Variants in ZPBP observed in about 807,000 individuals in gnomAD.
ZPBP encodes the protein zona pellucida binding protein.
Under a neutral mutation model 44.8 loss-of-function variants are expected in ZPBP, and 26 were observed. The ratio of observed to expected loss-of-function variants is 0.58; its 90% CI spans 0.43 to 0.81. ZPBP has a LOEUF of 0.81. ZPBP is among the 30% of genes least tolerant of loss of function. The probability of loss-of-function intolerance (pLI) is 0.00; values close to 1 mark genes in which losing one functional copy is unlikely to be tolerated. For synonymous variants in ZPBP, 174 were observed against 153.2 expected (o/e 1.14, Z -1.00); for missense variants, 409 against 434.0 (o/e 0.94, Z 0.51).
intron 2 of ZPBP, among the ~76,000 whole-genome samples, chr7:49,852,829 G>A (rs555835531): frequency 6.6e-6 from 1 of 152,288 alleles, no homozygotes; most frequent in Admixed American, 6.5e-5. Flanking sequence ...CTTGGACTCC[G>A]TCTCCATCTA....
the ZPBP span, among the ~76,000 whole-genome samples, chr7:49,843,430 G>T: frequency 6.6e-6 from 1 of 152,286 alleles, no homozygotes; most frequent in South Asian, 2.1e-4. Flanking sequence ...GTTTATATGT[G>T]CCAATTTCTT....
At chr7:49,887,754 A>G (rs1791962495) in intron 2 of ZPBP, among the ~76,000 whole-genome samples, 1 of 152,166 alleles carries the variant, frequency 6.6e-6, no homozygotes, top group African/African-American at 2.4e-5. Flanking sequence ...TCTATACAAC[A>G]CCACACCAAC....
chr7:49,952,038 T>C (rs571051523), intron 7 of ZPBP, among the ~76,000 whole-genome samples: 2 of 151,938 alleles, frequency 1.3e-5, no homozygotes, highest in East Asian at 1.9e-4. Flanking sequence ...ATAGAAAGCA[T>C]AGTGATAGTT....
intron 7 of ZPBP, among the ~76,000 whole-genome samples, chr7:49,981,695 A>AAAATATATATTATAT (rs1201832039): frequency 0.19 from 7,893 of 40,784 alleles, 2,378 homozygotes; most frequent in East Asian, 0.48. Flanking sequence ...TAATATATAT[A>AAAATATATATTATAT]ATTATATATA....
At chr7:50,030,964 GA>G in intron 5 of ZPBP, 127 bp downstream of exon 5, 4 of 802,556 alleles carry the variant, frequency 5.0e-6, no homozygotes, top group Non-Finnish European at 6.1e-6. Flanking sequence ...TCAAAGTAGA[GA>G]ACAAAATATA....
chr7:49,845,058 C>T, the ZPBP span, among the ~76,000 whole-genome samples: 1 of 152,060 alleles, frequency 6.6e-6, no homozygotes, highest in Non-Finnish European at 1.5e-5. Context: ...AATGTTCTCA[C>T]TTATAAATGG....
At chr7:49,861,156 C>T (rs1484545460) in intron 2 of ZPBP, among the ~76,000 whole-genome samples, 2 of 152,178 alleles carry the variant, frequency 1.3e-5, no homozygotes, top group African/African-American at 4.8e-5. Context: ...ACATCCTCAC[C>T]AACAGTTGTT....
rs895620248 is a variant in ZPBP at position 49,956,464 on chromosome 7, C to T, written c.962-18842G>A. On this transcript the variant is annotated intron_variant, in intron 7 of 7. Transcript: ENST00000046087. ...GCAAAGTAGTAGTAAGCAAGGGCAACGAACAAAAACTATTATGTTTCTAAG... is the reference window on the plus strand; with the variant it reads ...GCAAAGTAGTAGTAAGCAAGGGCAATGAACAAAAACTATTATGTTTCTAAG... Among the ~76,000 whole-genome samples the T allele has an allele frequency of 7.2e-5, 11 of 151,856 alleles. No homozygotes were observed. In the South Asian group the frequency reaches 8.3e-4, roughly 11 times the overall value.
intron 3 of ZPBP, among the ~76,000 whole-genome samples, chr7:50,081,460 A>G (rs17551629): frequency 0.038 from 5,786 of 151,916 alleles, 154 homozygotes; most frequent in Middle Eastern, 0.078. Context: ...AAAAACAAGA[A>G]GTTGACTAGA....
At position 49,984,555 on chromosome 7, in the gene ZPBP, G is replaced by A. The variant is rs561424299; in HGVS notation, c.784-1036C>T. Among the ~76,000 whole-genome samples, 76 of 152,226 alleles carry A rather than the reference G, an allele frequency of 5.0e-4. 1 individual carries two copies. In the South Asian group the frequency reaches 0.015, roughly 31 times the overall value. On this transcript the variant is annotated intron_variant, in intron 6 of 7. Transcript: ENST00000046087. Reference sequence around the variant, plus strand: ...TAATCAGGCATTAAGATTCTCATAAGGAGCGTGCCACCTAGATCCCTTCCA... The same window carrying A: ...TAATCAGGCATTAAGATTCTCATAAAGAGCGTGCCACCTAGATCCCTTCCA...
intron 2 of ZPBP, among the ~76,000 whole-genome samples, chr7:49,868,476 A>C (rs999332269): frequency 1.3e-5 from 2 of 152,230 alleles, no homozygotes; most frequent in Middle Eastern, 3.2e-3. Flanking sequence ...TGTATTTTAT[A>C]AAAATACCTA....
chr7:50,060,786 G>A (rs1161636079), intron 3 of ZPBP, among the ~76,000 whole-genome samples: 1 of 152,156 alleles, frequency 6.6e-6, no homozygotes, highest in Non-Finnish European at 1.5e-5. Context: ...AATTGAGGAG[G>A]ATCGACTCTT....
chr7:50,064,491 GTTTATTTCATCTCT>G (rs1382804884), intron 3 of ZPBP, among the ~76,000 whole-genome samples: 1 of 152,194 alleles, frequency 6.6e-6, no homozygotes, highest in African/African-American at 2.4e-5. Context: ...GGAGACTGGA[GTTTATTTCATCTCT>G]GTAGCCTCGA....
intron 2 of ZPBP, among the ~76,000 whole-genome samples, chr7:49,875,374 A>AAAAAAAC: frequency 6.8e-6 from 1 of 146,862 alleles, no homozygotes; most frequent in Non-Finnish European, 1.5e-5. Context: ...TGACTCAAAA[A>AAAAAAAC]AAAAAAAAAA....
chr7:49,937,708 G>T, intron 7 of ZPBP, 86 bp from the exon 8 acceptor site: 2 of 1,087,806 alleles, frequency 1.8e-6, no homozygotes, highest in South Asian at 1.3e-5. Flanking sequence ...TAAGTGTATA[G>T]TTCAGTAGTA....
chr7:50,035,076 A>G (rs1393585973), intron 4 of ZPBP, among the ~76,000 whole-genome samples: 1 of 152,248 alleles, frequency 6.6e-6, no homozygotes. Context: ...CACCAAAGGA[A>G]TCTGGGAACA....
chr7:49,978,315 C>A (rs1014086938), intron 7 of ZPBP, among the ~76,000 whole-genome samples: 46 of 151,424 alleles, frequency 3.0e-4, no homozygotes, highest in African/African-American at 1.1e-3. Context: ...CTTTAAAGTG[C>A]CAAAACTGAT....
intron 4 of ZPBP, among the ~76,000 whole-genome samples, chr7:50,037,494 T>A (rs182606758): frequency 6.6e-6 from 1 of 152,056 alleles, no homozygotes; most frequent in African/African-American, 2.4e-5. Context: ...ACAATCATGA[T>A]TGAAGGTGAA....
intron 1 of ZPBP, among the ~76,000 whole-genome samples, chr7:49,908,294 G>A (rs1280844154): frequency 6.6e-6 from 1 of 152,180 alleles, no homozygotes; most frequent in Admixed American, 6.5e-5. Flanking sequence ...CATGACCTGA[G>A]ACAGGTTTTC....
Sources: allele counts gnomAD v4.1 joint callset (sites outside exome capture counted in the v4.1 genomes callset), GRCh38; gene constraint gnomAD v4.1.1; transcripts MANE v1.5; gene names NCBI Gene and HGNC (gene_info 2026-07-23, HGNC 2026-07-21).